Variants in PHF20 observed in about 807,000 individuals in gnomAD.
The protein encoded by PHF20 is PHD finger protein 20, also known as glioma-expressed antigen 2.
A neutral mutation model predicts 113.5 loss-of-function variants in PHF20; 23 were observed. The ratio of observed to expected loss-of-function variants is 0.20; its 90% CI spans 0.15 to 0.29. The LOEUF is 0.29. PHF20 is among the 10% of genes least tolerant of loss of function. PHF20 has a pLI of 1.00. For missense variants in PHF20, 943 were observed against 1,219.6 expected (o/e 0.77, Z 3.38); for synonymous variants, 434 against 457.3 (o/e 0.95, Z 0.65).
intron 15 of PHF20, 78 bp downstream of exon 15, chr20:35,931,522 A>G: frequency 9.2e-7 from 1 of 1,088,244 alleles, no homozygotes; most frequent in Non-Finnish European, 1.3e-6. Context: ...GAAATTGGAA[A>G]GCTACCAAAG....
intron 4 of PHF20, among the ~76,000 whole-genome samples, chr20:35,852,782 A>G (rs2042758404): frequency 6.6e-6 from 1 of 151,794 alleles, no homozygotes. Context: ...CATTTTTAGT[A>G]GAGACGGGGT....
intron 9 of PHF20, among the ~76,000 whole-genome samples, chr20:35,889,810 C>A (rs2054814791): frequency 6.6e-6 from 1 of 152,058 alleles, no homozygotes; most frequent in African/African-American, 2.4e-5. Flanking sequence ...CTCACTGCAA[C>A]CTCTGTCCCC....
intron 15 of PHF20, among the ~76,000 whole-genome samples, chr20:35,937,515 A>C (rs1237906629): frequency 2.0e-5 from 3 of 152,096 alleles, no homozygotes; most frequent in Non-Finnish European, 4.4e-5. Flanking sequence ...GGTTAAAATA[A>C]GGGGTTGTGG....
chr20:35,906,532 C>T (rs528015928), intron 10 of PHF20, among the ~76,000 whole-genome samples: 10 of 142,770 alleles, frequency 7.0e-5, no homozygotes, highest in South Asian at 6.3e-4. Flanking sequence ...TTGCTTTCTC[C>T]CCGTTGTTCC....
At chr20:35,783,604 T>C (rs531773590) in intron 1 of PHF20, among the ~76,000 whole-genome samples, 114 of 151,776 alleles carry the variant, frequency 7.5e-4, no homozygotes, top group Non-Finnish European at 1.5e-3. Context: ...TTTTTTATTA[T>C]TTATAGAGAC....
intron 9 of PHF20, among the ~76,000 whole-genome samples, chr20:35,898,468 C>T (rs750826021): frequency 9.2e-5 from 14 of 152,096 alleles, no homozygotes; most frequent in Non-Finnish European, 1.3e-4. Context: ...CAGAGTCTGG[C>T]TCTGTTGACC....
At chr20:35,904,277 A>ATTTTTT (rs34412788) in intron 10 of PHF20, among the ~76,000 whole-genome samples, 4 of 98,916 alleles carry the variant, frequency 4.0e-5, no homozygotes, top group African/African-American at 4.1e-5. Context: ...GAATGCTCTG[A>ATTTTTT]TTTTTTTTTT....
At chr20:35,821,359 C>G (rs769277985) in intron 2 of PHF20, among the ~76,000 whole-genome samples, 1 of 149,938 alleles carries the variant, frequency 6.7e-6, no homozygotes, top group Admixed American at 6.7e-5. Flanking sequence ...TGCTTGAACC[C>G]GGGAGGTGGA....
intron 9 of PHF20, among the ~76,000 whole-genome samples, chr20:35,896,251 A>G (rs1180645268): frequency 6.6e-6 from 1 of 152,158 alleles, no homozygotes; most frequent in East Asian, 1.9e-4. Flanking sequence ...GACACTTGAA[A>G]AAGTAATCAT....
At chr20:35,856,955 T>A (rs1279318172) in intron 4 of PHF20, among the ~76,000 whole-genome samples, 1 of 152,052 alleles carries the variant, frequency 6.6e-6, no homozygotes, top group Non-Finnish European at 1.5e-5. Context: ...TTGGTACCCG[T>A]GATTAGCCAT....
intron 2 of PHF20, among the ~76,000 whole-genome samples, chr20:35,832,303 A>T (rs557653597): frequency 4.6e-5 from 7 of 152,060 alleles, no homozygotes; most frequent in Admixed American, 1.3e-4. Context: ...ACTCTACCTT[A>T]AGGAGTCCTC....
intron 1 of PHF20, among the ~76,000 whole-genome samples, chr20:35,786,225 A>G (rs1256314303): frequency 2.0e-5 from 3 of 149,870 alleles, no homozygotes; most frequent in African/African-American, 7.4e-5. Context: ...CGTCTCTACT[A>G]AAAATACAAA....
At chr20:35,793,825 C>G (rs2041608067) in intron 1 of PHF20, among the ~76,000 whole-genome samples, 1 of 148,600 alleles carries the variant, frequency 6.7e-6, no homozygotes, top group East Asian at 2.0e-4. Context: ...TGGCGAAACA[C>G]TGTCTCTACT....
At chr20:35,925,598 A>G (rs1286043302) in intron 13 of PHF20, among the ~76,000 whole-genome samples, 1 of 152,100 alleles carries the variant, frequency 6.6e-6, no homozygotes, top group Admixed American at 6.6e-5. Context: ...AATTAACCCA[A>G]GGATAATTGA....
chr20:35,895,989 C>A (rs1184098221), intron 9 of PHF20, among the ~76,000 whole-genome samples: 1 of 151,958 alleles, frequency 6.6e-6, no homozygotes, highest in Non-Finnish European at 1.5e-5. Flanking sequence ...GCCTGGCCAA[C>A]TTTTTCTTCT....
At chr20:35,924,192 C>CTT (rs767943006) in intron 13 of PHF20, among the ~76,000 whole-genome samples, 16 of 129,906 alleles carry the variant, frequency 1.2e-4, no homozygotes, top group East Asian at 6.4e-4. Flanking sequence ...CTTTTCTTTT[C>CTT]TTTTTTTTTT....
intron 1 of PHF20, among the ~76,000 whole-genome samples, chr20:35,797,756 A>T (rs1020101457): frequency 6.7e-6 from 1 of 148,810 alleles, no homozygotes; most frequent in East Asian, 2.1e-4. Flanking sequence ...GGTTCAAGTG[A>T]TTCTCCTGCC....
chr20:35,789,063 G>C (rs183990787), intron 1 of PHF20, among the ~76,000 whole-genome samples: 2 of 152,116 alleles, frequency 1.3e-5, no homozygotes, highest in East Asian at 3.9e-4. Context: ...CAGGTGTGAA[G>C]GAAGTCCTTC....
intron 15 of PHF20, among the ~76,000 whole-genome samples, chr20:35,936,869 C>T (rs2055874945): frequency 6.6e-6 from 1 of 152,110 alleles, no homozygotes; most frequent in Admixed American, 6.5e-5. Flanking sequence ...CAAAAAGAGT[C>T]AAATTCTGTA....
Sources: gnomAD v4.1 joint callset for allele counts (sites outside exome capture counted in the v4.1 genomes callset) on GRCh38, gnomAD v4.1.1 for gene constraint, MANE v1.5 for transcripts, NCBI Gene and HGNC (gene_info 2026-07-23, HGNC 2026-07-21) for gene names.